The following DNHD1 variants were observed in gnomAD, a reference collection of about 807,000 sequenced individuals.
DNHD1 encodes dynein heavy chain domain 1.
Under a neutral mutation model 458.1 loss-of-function variants are expected in DNHD1, and 383 were observed. That is an observed-to-expected ratio of 0.84 (90% CI 0.77 to 0.91). DNHD1 has a LOEUF of 0.91. Among genes scored for constraint, DNHD1 ranks in the 40% least tolerant of loss-of-function variants. DNHD1 has a pLI of 0.00. For missense variants in DNHD1, 5,336 were observed against 5,866.1 expected (o/e 0.91, Z 2.95); for synonymous variants, 2,203 against 2,376.9 (o/e 0.93, Z 2.13).
At position 6,511,084 on chromosome 11, in the gene DNHD1, G is replaced by A. The variant is rs185090324; in HGVS notation, c.1236-189G>A. Among the ~76,000 whole-genome samples, 401 of 152,346 alleles carry A rather than the reference G, an allele frequency of 2.6e-3. 2 individuals are homozygous for A. Among genetic ancestry groups the A allele is most frequent in the African/African-American group, 9.0e-3 (373 of 41,584 alleles). ...TTTCTCAGCTTGTATAGCTGAGAAA[G>A]CAGCTTTATGGGCTTATACTCTTTC... On this transcript the variant is annotated intron_variant, in intron 6 of 42. Transcript: ENST00000254579.
At position 6,571,811 on chromosome 11, in the gene DNHD1, T is replaced by C; in HGVS notation, c.14087T>C (p.Leu4696Pro). The change falls in exon 43 of 43, where the codon CTG becomes CCG. Residue 4696 changes from leucine (L) to proline (P), a missense_variant. Physicochemically the swap from Leu to Pro is moderately conservative, Grantham distance 98. Transcript: ENST00000254579. This position sits in a 1 kb window ranked among gnomAD's most constrained non-coding sequence, Gnocchi z 5.0. The part of the protein sequence containing the change: ...ISTQAPGTSD[L>P]PAPADLTVYS... ...ACACAGGCCCCGGGCACCAGTGACC[T>C]GCCAGCCCCAGCCGACCTGACTGTG... The C allele has an allele frequency of 1.2e-6, 2 of 1,613,976 alleles. No homozygotes were observed. Among genetic ancestry groups the C allele is most frequent in the Non-Finnish European group, 1.7e-6 (2 of 1,179,882 alleles).
Position 6,568,485 on chromosome 11 carries a change from A to G in DNHD1, c.12570A>G (p.Leu4190=). Residue 4190 remains leucine (L), a synonymous_variant, in exon 38 of 43, where the codon TTA becomes TTG. Transcript: ENST00000254579. ...CAGACCTGGAATCAGAACAGCTTTT[A>G]GACCAACCTGAAAGCAGGAATGTAA... is the stretch of plus-strand genomic sequence containing the variant. ...VVADLESEQL[L]DQPESRNVST... is the part of the protein sequence containing the mutation. The G allele has an allele frequency of 1.2e-6, 2 of 1,613,910 alleles. No homozygotes were observed. Among genetic ancestry groups the G allele is most frequent in the Non-Finnish European group, 1.7e-6 (2 of 1,179,878 alleles).
Position 6,563,984 on chromosome 11 carries a change from G to A in DNHD1, c.10144G>A (p.Ala3382Thr), listed in dbSNP as rs767264804. The change falls in exon 31 of 43, where the codon GCT becomes ACT. Residue 3382 changes from alanine to threonine, a missense_variant. By Grantham distance (58) the Ala-to-Thr change is moderately conservative. Around this residue, in one of 4 missense-constraint regions of DNHD1, gnomAD observed 3,932 missense variants for 4,365.6 expected, o/e 0.90. Coordinates refer to ENST00000254579, the MANE Select transcript of DNHD1 (RefSeq NM_144666.3). ...QETLEHNLALAKMVEDAQASH... is the reference protein window; with the variant it reads ...QETLEHNLALTKMVEDAQASH... Reference sequence around the variant, plus strand: ...GACCCTGGAGCATAATTTGGCCCTGGCTAAGATGGTGGAGGATGCCCAAGC... The same window carrying A: ...GACCCTGGAGCATAATTTGGCCCTGACTAAGATGGTGGAGGATGCCCAAGC... 3.2e-6 allele frequency: 5 copies of A among 1,551,726 alleles called. No homozygotes were observed. Among genetic ancestry groups the A allele is most frequent in the Non-Finnish European group, 4.4e-6 (5 of 1,147,002 alleles).
In DNHD1 at chr11:6,570,397, G is replaced by T. The variant is rs763469819; in HGVS notation, c.13105+1G>T. ...CTGGCCACGCTCATGCCCCTCCCAG[G>T]TAAGCCTCACTCAGGTATCTGTTTT... On this transcript the variant is annotated splice_donor_variant, in intron 41 of 42. Coordinates refer to ENST00000254579, the MANE Select transcript of DNHD1 (RefSeq NM_144666.3). LOFTEE classifies it high-confidence loss of function. The T allele has an allele frequency of 7.5e-5, 121 of 1,605,996 alleles. No individual in the cohort carries two copies. The Admixed American group carries it at 2.0e-3, about 27-fold the overall frequency.
Position 6,570,855 on chromosome 11 carries a change from G to A in DNHD1, c.13343G>A (p.Arg4448Gln), listed in dbSNP as rs747701056. The A allele has an allele frequency of 5.6e-6, 9 of 1,614,032 alleles. No homozygotes were observed. Among genetic ancestry groups the A allele is most frequent in the Admixed American group, 5.0e-5 (3 of 60,030 alleles). Residue 4448 changes from arginine to glutamine, a missense_variant, in exon 42 of 43, where the codon CGG becomes CAG. Coordinates refer to ENST00000254579, the MANE Select transcript of DNHD1 (RefSeq NM_144666.3). ...RLRQRLVQVN[R>Q]RLESLQDLLT... is the part of the protein sequence containing the mutation. The stretch of plus-strand genomic sequence containing the variant: ...CGGCAACGCCTAGTGCAAGTCAACC[G>A]GAGGCTGGAGTCACTGCAGGATCTG...
Position 6,563,790 on chromosome 11 carries a change from G to C in DNHD1, c.9950G>C (p.Arg3317Pro). ...CCAGGTATGGACGATGCAGCCCTGC[G>C]GGCAGTGAGCCGACCTGCAGCCAGC... is the stretch of plus-strand genomic sequence containing the variant. ...KAPGMDDAALRAVSRPAASLA... is the reference protein window; with the variant it reads ...KAPGMDDAALPAVSRPAASLA... The change falls in exon 31 of 43, where the codon CGG (arginine) becomes CCG (proline). Residue 3317 changes from arginine (R) to proline (P), a missense_variant. This residue lies in a region of DNHD1 where 3,932 missense variants were observed against 4,365.6 expected (regional missense o/e 0.90). Coordinates refer to ENST00000254579, the MANE Select transcript of DNHD1 (RefSeq NM_144666.3). 1 of 1,551,638 alleles carries C rather than the reference G, an allele frequency of 6.4e-7. No homozygotes were observed. The highest frequency in any genetic ancestry group is 1.4e-5 in the African/African-American group (1 of 73,190).
At chr11:6,499,068 C>A in intron 3 of DNHD1, 107 bp downstream of exon 3, 1 of 1,306,302 alleles carries the variant, frequency 7.7e-7, no homozygotes, top group Non-Finnish European at 1.0e-6. Flanking sequence ...CTGTTTATCA[C>A]AGGGATTAGC....
chr11:6,519,467 A>G (rs986684567), intron 7 of DNHD1, 133 bp from the exon 8 acceptor site: 20 of 980,700 alleles, frequency 2.0e-5, no homozygotes, highest in Admixed American at 1.1e-4. Context: ...AAACTCTACT[A>G]AAAAGGAGCC....
At chr11:6,553,094 G>A (rs1200337378) in intron 24 of DNHD1, among the ~76,000 whole-genome samples, 1 of 152,078 alleles carries the variant, frequency 6.6e-6, no homozygotes, top group African/African-American at 2.4e-5. Flanking sequence ...AAACCTAAAT[G>A]CAAAAATAAA....
In DNHD1 at chr11:6,565,757, G is replaced by C. The variant is rs1210666023; in HGVS notation, c.10819G>C (p.Glu3607Gln). ...SKTDMKEEDD[E>Q]SEESNEAEDQ... ...AACGGACATGAAAGAGGAAGATGAT[G>C]AGAGTGAAGAGAGTAATGAGGCTGA... The change falls in exon 33 of 43, where the codon GAG (glutamate) becomes CAG (glutamine). Residue 3607 changes from glutamate to glutamine, a missense_variant. Physicochemically the swap from Glu to Gln is conservative, Grantham distance 29 (BLOSUM62 2). Transcript: ENST00000254579. The C allele has an allele frequency of 7.7e-6, 12 of 1,551,430 alleles. No homozygotes were observed. Among genetic ancestry groups the C allele is most frequent in the Non-Finnish European group, 1.0e-5 (12 of 1,146,994 alleles).
At chr11:6,540,879 T>C (rs1234863855) in intron 18 of DNHD1, among the ~76,000 whole-genome samples, 2 of 152,266 alleles carry the variant, frequency 1.3e-5, no homozygotes, top group Non-Finnish European at 2.9e-5. Flanking sequence ...TAGTTTAAGA[T>C]TTTTATTTTA....
chr11:6,547,077 G>T lies in DNHD1; in HGVS notation c.6138G>T (p.Glu2046Asp). The change falls in exon 21 of 43, where the codon GAG (glutamate) becomes GAT (aspartate). Residue 2046 changes from glutamate (E) to aspartate (D), a missense_variant. This residue lies in a region of DNHD1 where 3,932 missense variants were observed against 4,365.6 expected (regional missense o/e 0.90). Coordinates refer to ENST00000254579, the MANE Select transcript of DNHD1 (RefSeq NM_144666.3). ...LSPQEFLGWL[E>D]GSCWHHGIFP... ...CCCAGGAGTTCCTGGGATGGCTAGA[G>T]GGCTCCTGCTGGCATCATGGCATCT... 6.4e-7 allele frequency: 1 copy of T among 1,551,744 alleles called. No individual in the cohort carries two copies. The highest frequency in any genetic ancestry group is 8.7e-7 in the Non-Finnish European group (1 of 1,146,998).
In DNHD1 at chr11:6,546,847, G is replaced by T; in HGVS notation, c.5908G>T (p.Asp1970Tyr). ...ACAGGTAGGTCTGGATCCCAGCCCT[G>T]ACATTTTGGGGTCCTTGGAACAGTT... ...LQQVGLDPSP[D>Y]ILGSLEQLSQ... is the part of the protein sequence containing the mutation. The change falls in exon 21 of 43, where the codon GAC (aspartate) becomes TAC (tyrosine). Residue 1970 changes from aspartate (D) to tyrosine (Y), a missense_variant. By Grantham distance (160) the Asp-to-Tyr change is radical (BLOSUM62 -3). Transcript: ENST00000254579. 6.4e-7 allele frequency: 1 copy of T among 1,551,804 alleles called. No homozygotes were observed. The highest frequency in any genetic ancestry group is 1.2e-5 in the South Asian group (1 of 84,058).
At position 6,557,102 on chromosome 11, in the gene DNHD1, C is replaced by G. The variant is rs1190927819; in HGVS notation, c.7807C>G (p.Leu2603Val). The change falls in exon 25 of 43, where the codon CTG becomes GTG. Residue 2603 changes from leucine to valine, a missense_variant. Around this residue, in one of 4 missense-constraint regions of DNHD1, gnomAD observed 3,932 missense variants for 4,365.6 expected, o/e 0.90. Transcript: ENST00000254579. ...SVSHLLSSLQ[L>V]LPNRTGSRGF... is the part of the protein sequence containing the mutation. ...GAGCCACCTACTGAGCAGCCTGCAG[C>G]TGCTGCCCAACAGAACAGGCTCCCG... 1 of 1,551,750 alleles carries G rather than the reference C, an allele frequency of 6.4e-7. No homozygotes were observed. Among genetic ancestry groups the G allele is most frequent in the Non-Finnish European group, 8.7e-7 (1 of 1,147,008 alleles).
rs746684532 is a variant in DNHD1, at chr11:6,570,094, C to T, written c.12949C>T (p.Leu4317=). The T allele has an allele frequency of 1.9e-6, 3 of 1,613,924 alleles. No individual in the cohort carries two copies. In the South Asian group the frequency reaches 3.3e-5, roughly 18 times the overall value. ...LSNPRAAMQE[L]AASVFYGGPL... ...CAATCCCCGTGCTGCCATGCAAGAG[C>T]TGGCTGGTGAGACCCTTCCTCTCCC... The change falls in exon 40 of 43, where the codon CTG becomes TTG. Residue 4317 remains leucine, a synonymous_variant. Coordinates refer to ENST00000254579, the MANE Select transcript of DNHD1 (RefSeq NM_144666.3).
At chr11:6,550,975 A>G (rs1853328979) in intron 24 of DNHD1, among the ~76,000 whole-genome samples, 2 of 152,240 alleles carry the variant, frequency 1.3e-5, no homozygotes, top group Non-Finnish European at 2.9e-5. Flanking sequence ...AAGTAGGGAC[A>G]TTAAAGATCT....
chr11:6,563,344 T>G, intron 29 of DNHD1, 38 bp from the exon 30 acceptor site: 1 of 1,547,846 alleles, frequency 6.5e-7, no homozygotes, highest in Non-Finnish European at 8.7e-7. Flanking sequence ...ACAGAACATC[T>G]CAGGAGCTCA....
intron 12 of DNHD1, among the ~76,000 whole-genome samples, chr11:6,532,744 AT>A (rs113825118): frequency 2.4e-4 from 36 of 152,000 alleles, no homozygotes; most frequent in Middle Eastern, 3.2e-3. Flanking sequence ...TATCACACTG[AT>A]TTGTGATTGC....
Position 6,548,682 on chromosome 11 carries a change from CA to C in DNHD1, c.7137del (p.Gly2381AspfsTer22), listed in dbSNP as rs1853274006. 2 of 1,551,514 alleles carry C rather than the reference CA, an allele frequency of 1.3e-6. No individual in the cohort carries two copies. The highest frequency in any genetic ancestry group is 3.9e-5 in the Admixed American group (2 of 50,978). On this transcript the variant is annotated frameshift_variant, in exon 24 of 43. Coordinates refer to ENST00000254579, the MANE Select transcript of DNHD1 (RefSeq NM_144666.3). LOFTEE classifies it high-confidence loss of function. The surrounding 1 kb of genome is among the most constrained non-coding windows in gnomAD (Gnocchi z 4.4). ...RLLYVVDLLL[S>X]GGQPVLLAGE... Reference sequence around the variant, plus strand: ...TTGTATGTGGTGGACCTGCTTCTGTCAGGGGGACAGCCAGTGTTGCTGGCTG... The same window carrying C: ...TTGTATGTGGTGGACCTGCTTCTGTCGGGGGACAGCCAGTGTTGCTGGCTG...
Sources: allele counts gnomAD v4.1 joint callset (sites outside exome capture counted in the v4.1 genomes callset), GRCh38; gene constraint gnomAD v4.1.1; regional missense constraint gnomAD v4.1.1; non-coding constraint Gnocchi (gnomAD v3.1); transcripts MANE v1.5; gene names NCBI Gene and HGNC (gene_info 2026-07-23, HGNC 2026-07-21).